Variants in IQSEC2 observed in about 807,000 individuals in gnomAD.
IQSEC2 encodes the protein IQ motif and Sec7 domain ArfGEF 2.
IQSEC2 carries 6 observed loss-of-function variants against 74.6 expected under a neutral mutation model. That is an observed-to-expected ratio of 0.08 (90% CI 0.04 to 0.16). The LOEUF (loss-of-function observed/expected upper bound fraction) is 0.16. Among genes scored for constraint, IQSEC2 ranks in the 10% least tolerant of loss-of-function variants. IQSEC2 has a pLI of 1.00. For missense variants in IQSEC2, 734 were observed against 1,306.2 expected (o/e 0.56, Z 6.75); for synonymous variants, 494 against 544.5 (o/e 0.91, Z 1.29).
chrX:53,270,011 A>G (rs2074716404), intron 2 of IQSEC2, among the ~76,000 whole-genome samples: 1 of 109,791 alleles, frequency 9.1e-6, no homozygotes, highest in African/African-American at 3.3e-5. Context: ...ACACTTTTTC[A>G]GTGATCTCAT....
chrX:53,295,942 T>C (rs2075147963), intron 1 of IQSEC2, among the ~76,000 whole-genome samples: 1 of 111,681 alleles, frequency 9.0e-6, no homozygotes, highest in Admixed American at 9.5e-5. Context: ...CGGAGTAACT[T>C]GAATGATCAC....
rs1241705512 is a variant in IQSEC2 at position 53,269,952 on chromosome X, G to A, written c.738-13891C>T. Among the ~76,000 whole-genome samples, 12 of 109,564 alleles carry A rather than the reference G, an allele frequency of 1.1e-4. No individual in the cohort carries two copies. The South Asian group carries it at 1.6e-3, about 15-fold the overall frequency. On this transcript the variant is annotated intron_variant, in intron 2 of 14. Coordinates refer to ENST00000642864, the MANE Select transcript of IQSEC2 (RefSeq NM_001111125.3). ...TTCTTCCTGGGCTCCTTCCCTACGC[G>A]TTGGTTTCCCCTTCCCAATTCTGCT...
rs781982688 is a variant in IQSEC2 at position 53,253,162 on chromosome X, C to T, written c.1401+1368G>A. ...CAGGGTGACTTTTTCTCTTATAAAGCTTCTTCCATTCATTCAACAATCTCT... is the reference window on the plus strand; with the variant it reads ...CAGGGTGACTTTTTCTCTTATAAAGTTTCTTCCATTCATTCAACAATCTCT... On this transcript the variant is annotated intron_variant, in intron 4 of 14. Transcript: ENST00000642864. 2.7e-5 allele frequency among the ~76,000 whole-genome samples: 3 copies of T among 112,509 alleles called. No individual in the cohort carries two copies. The Admixed American group carries it at 2.8e-4, about 11-fold the overall frequency.
At chrX:53,271,359 G>A (rs782503361) in intron 2 of IQSEC2, among the ~76,000 whole-genome samples, 6 of 112,165 alleles carry the variant, frequency 5.3e-5, no homozygotes, top group African/African-American at 9.7e-5. Flanking sequence ...ATGAAAGTTA[G>A]TAAATATGTC....
chrX:53,260,758 T>C (rs1556866356), intron 2 of IQSEC2, among the ~76,000 whole-genome samples: 1 of 111,771 alleles, frequency 8.9e-6, no homozygotes, highest in Non-Finnish European at 1.9e-5. Flanking sequence ...ACTTAGCTCA[T>C]TGAATTCTTG....
intron 2 of IQSEC2, among the ~76,000 whole-genome samples, chrX:53,286,938 T>TC (rs1474020396): frequency 0.11 from 445 of 3,908 alleles, 1 homozygote; most frequent in Middle Eastern, 0.25. Flanking sequence ...AGTATCCGGC[T>TC]CAAAAAAAAA....
chrX:53,249,653 C>A (rs1320619720), intron 5 of IQSEC2, among the ~76,000 whole-genome samples: 15 of 112,340 alleles, frequency 1.3e-4, no homozygotes, highest in African/African-American at 4.2e-4. Flanking sequence ...GTAATGGCTT[C>A]CAATTACATC....
chrX:53,275,859 A>ATT (rs34173399), intron 2 of IQSEC2, among the ~76,000 whole-genome samples: 12 of 97,019 alleles, frequency 1.2e-4, no homozygotes, highest in African/African-American at 4.6e-4. Context: ...ACGCCTGGCA[A>ATT]TTTTTTTTTT....
At chrX:53,244,188 C>A (rs1556861547) in intron 8 of IQSEC2, among the ~76,000 whole-genome samples, 1 of 105,897 alleles carries the variant, frequency 9.4e-6, no homozygotes, top group Non-Finnish European at 1.9e-5. Context: ...TGCACTCCAG[C>A]CTGAGCAACA....
intron 2 of IQSEC2, among the ~76,000 whole-genome samples, chrX:53,287,494 A>G (rs919809718): frequency 1.8e-5 from 2 of 112,871 alleles, no homozygotes; most frequent in Admixed American, 1.9e-4. Context: ...ACCCCCTGAC[A>G]TGCAGGGCCA....
downstream of IQSEC2, chrX:53,227,407 A>G: frequency 3.8e-6 from 1 of 266,287 alleles, no homozygotes; most frequent in Non-Finnish European, 6.7e-6. Context: ...AATGATACAC[A>G]GGAAGTTGCT....
At chrX:53,264,702 T>C (rs1236227792) in intron 2 of IQSEC2, among the ~76,000 whole-genome samples, 3 of 108,775 alleles carry the variant, frequency 2.8e-5, no homozygotes, top group Non-Finnish European at 5.7e-5. Flanking sequence ...GCTCAACTCT[T>C]GCACCTCTTC....
At chrX:53,235,327 C>T (rs905386634) in intron 14 of IQSEC2, 143 bp from the exon 15 acceptor site, 15 of 740,522 alleles carry the variant, frequency 2.0e-5, no homozygotes, top group African/African-American at 8.5e-5. Context: ...GTCCGGTACG[C>T]GTATGTGGAG....
chrX:53,260,195 C>T (rs2074548328), intron 2 of IQSEC2, among the ~76,000 whole-genome samples: 1 of 111,899 alleles, frequency 8.9e-6, no homozygotes, highest in Non-Finnish European at 1.9e-5. Context: ...CTTTCTGGAG[C>T]AATGGCATAT....
chrX:53,267,390 C>T (rs1465499834), intron 2 of IQSEC2, among the ~76,000 whole-genome samples: 4 of 112,188 alleles, frequency 3.6e-5, no homozygotes, highest in African/African-American at 6.5e-5. Context: ...TCATTTTGCA[C>T]GCATCATCTC....
At chrX:53,277,831 C>A (rs1261522428) in intron 2 of IQSEC2, among the ~76,000 whole-genome samples, 1 of 106,702 alleles carries the variant, frequency 9.4e-6, no homozygotes, top group Non-Finnish European at 1.9e-5. Context: ...CCACCACGCC[C>A]GGCTAATTTC....
In IQSEC2 at chrX:53,248,047, AT is replaced by A. The variant is rs1183796688; in HGVS notation, c.2582+66del. On this transcript the variant is annotated intron_variant, in intron 7 of 14. Transcript: ENST00000642864. Reference sequence around the variant, plus strand: ...AGTATGAGGCTCAGAGAAGTGACTTATAAACACATACTACGTCGATGCCCAC... The same window carrying A: ...AGTATGAGGCTCAGAGAAGTGACTTAAAACACATACTACGTCGATGCCCAC... The A allele has an allele frequency of 8.6e-6, 10 of 1,165,601 alleles. No homozygotes were observed. In the African/African-American group the frequency reaches 1.6e-4, roughly 19 times the overall value.
At chrX:53,258,592 C>T (rs2074512758) in intron 2 of IQSEC2, among the ~76,000 whole-genome samples, 1 of 110,729 alleles carries the variant, frequency 9.0e-6, no homozygotes, top group African/African-American at 3.3e-5. Flanking sequence ...TGGTGGCTTA[C>T]TCCTGTAATC....
chrX:53,258,880 C>T (rs2074519139), intron 2 of IQSEC2, among the ~76,000 whole-genome samples: 1 of 107,292 alleles, frequency 9.3e-6, no homozygotes, highest in Non-Finnish European at 1.9e-5. Context: ...AAACCCACCA[C>T]CACCACCACC....
Sources: gnomAD v4.1 joint callset for allele counts (sites outside exome capture counted in the v4.1 genomes callset) on GRCh38, gnomAD v4.1.1 for gene constraint, MANE v1.5 for transcripts, NCBI Gene and HGNC (gene_info 2026-07-23, HGNC 2026-07-21) for gene names.